Variants in COL11A1 observed in about 807,000 individuals in gnomAD.
COL11A1 encodes the protein collagen type XI alpha 1 chain, also known as collagen alpha-1(XI) chain.
Under a neutral mutation model 265.2 loss-of-function variants are expected in COL11A1, and 74 were observed. The observed-to-expected ratio is 0.28, with a 90% CI of 0.23 to 0.34. The LOEUF is 0.34. COL11A1 is among the 10% of genes least tolerant of loss of function. The pLI, the probability that COL11A1 is intolerant of heterozygous loss-of-function variation, is 1.00. For missense variants in COL11A1, 2,165 were observed against 2,263.6 expected (o/e 0.96, Z 0.88); for synonymous variants, 816 against 727.6 (o/e 1.12, Z -1.96).
chr1:102,907,454 T>C (rs1654121345), intron 54 of COL11A1, among the ~76,000 whole-genome samples: 1 of 152,100 alleles, frequency 6.6e-6, no homozygotes, highest in Non-Finnish European at 1.5e-5. Context: ...TACAGTATCA[T>C]TAACTTAGAA....
At chr1:102,996,639 A>C (rs1664658639) in intron 26 of COL11A1, among the ~76,000 whole-genome samples, 1 of 151,922 alleles carries the variant, frequency 6.6e-6, no homozygotes, top group South Asian at 2.1e-4. Context: ...CTGCTACTGT[A>C]ATCTAAAGTA....
At chr1:103,015,647 A>G in intron 12 of COL11A1, 21 bp downstream of exon 12, 4 of 1,558,248 alleles carry the variant, frequency 2.6e-6, no homozygotes, top group Non-Finnish European at 3.5e-6. Context: ...AGTCATCTCT[A>G]TAACATAAAA....
In COL11A1 at chr1:102,962,604, C is replaced by G. The variant is rs1177236827; in HGVS notation, c.3024+49G>C. 2.7e-6 allele frequency: 4 copies of G among 1,504,212 alleles called. No homozygotes were observed. The Admixed American group carries it at 5.0e-5, about 19-fold the overall frequency. 93.2% of individuals were successfully genotyped at this position (1,504,212 alleles called of 1,614,324 possible). A position where few individuals can be genotyped will look rare whatever the true frequency, so the allele number is the denominator to read the frequency against. Reference sequence around the variant, plus strand: ...TAGACAAGGGGTGAGTATAGTTAAACATAAATTAAAGTTTTGGGCCAAAAA... The same window carrying G: ...TAGACAAGGGGTGAGTATAGTTAAAGATAAATTAAAGTTTTGGGCCAAAAA... On this transcript the variant is annotated intron_variant, in intron 39 of 66. Transcript: ENST00000370096.
intron 46 of COL11A1, among the ~76,000 whole-genome samples, chr1:102,924,306 G>T (rs1656332295): frequency 6.6e-6 from 1 of 152,168 alleles, no homozygotes; most frequent in Admixed American, 6.5e-5. Context: ...CTGTGTTACA[G>T]TATAAAGGAA....
rs12746990 is a variant in COL11A1 at position 102,932,491 on chromosome 1, G to T, written c.3600+1958C>A. On this transcript the variant is annotated intron_variant, in intron 46 of 66. Transcript: ENST00000370096. ...TAGTCTGATGGGCTTCCCTTTGAGG[G>T]TAACCCGACCTTTCTCTCTGGCTGC... 2.0e-5 allele frequency among the ~76,000 whole-genome samples: 3 copies of T among 152,216 alleles called. No homozygotes were observed. In the South Asian group the frequency reaches 6.2e-4, roughly 32 times the overall value.
At chr1:102,993,175 TA>T (rs1664304201) in intron 28 of COL11A1, among the ~76,000 whole-genome samples, 1 of 152,178 alleles carries the variant, frequency 6.6e-6, no homozygotes, top group African/African-American at 2.4e-5. Flanking sequence ...TTTGCATTTT[TA>T]CTTACATTTC....
At chr1:102,962,072 G>T in intron 40 of COL11A1, 104 bp downstream of exon 40, 3 of 1,068,462 alleles carry the variant, frequency 2.8e-6, no homozygotes, top group Non-Finnish European at 4.3e-6. Context: ...AAATATATAT[G>T]TTTATATATC....
At chr1:102,991,843 T>A (rs1398235051) in intron 28 of COL11A1, among the ~76,000 whole-genome samples, 2 of 151,992 alleles carry the variant, frequency 1.3e-5, no homozygotes, top group African/African-American at 4.8e-5. Context: ...AATTTTTTTT[T>A]TTTTTTTCAA....
intron 54 of COL11A1, among the ~76,000 whole-genome samples, chr1:102,907,889 T>C (rs1038965063): frequency 6.6e-6 from 1 of 152,040 alleles, no homozygotes. Flanking sequence ...TTTTGGTGGA[T>C]ATGTGCAAAA....
At chr1:103,077,889 CA>C (rs1212491902) in intron 3 of COL11A1, among the ~76,000 whole-genome samples, 1 of 152,102 alleles carries the variant, frequency 6.6e-6, no homozygotes, top group Non-Finnish European at 1.5e-5. Context: ...CTCTGAGCCT[CA>C]GTTCCCTTAC....
chr1:102,919,223 G>A (rs1248815105), intron 49 of COL11A1, among the ~76,000 whole-genome samples: 2 of 151,942 alleles, frequency 1.3e-5, no homozygotes, highest in Non-Finnish European at 2.9e-5. Flanking sequence ...AAAAAAGGCA[G>A]TCAATCAAAG....
intron 4 of COL11A1, among the ~76,000 whole-genome samples, chr1:103,053,828 T>C (rs1670020942): frequency 6.6e-6 from 1 of 152,230 alleles, no homozygotes; most frequent in Admixed American, 6.5e-5. Context: ...TAAAAACATC[T>C]TACATTTTAA....
chr1:103,039,141 A>C (rs1050716629), intron 4 of COL11A1, among the ~76,000 whole-genome samples: 2 of 152,190 alleles, frequency 1.3e-5, no homozygotes, highest in African/African-American at 4.8e-5. Context: ...AGTGACTTTT[A>C]TTTATTTTTG....
intron 4 of COL11A1, among the ~76,000 whole-genome samples, chr1:103,042,472 C>A (rs1179910089): frequency 6.6e-6 from 1 of 152,060 alleles, no homozygotes; most frequent in Non-Finnish European, 1.5e-5. Flanking sequence ...ACTAACATTT[C>A]TGTCTCTTAC....
At chr1:103,070,173 T>C (rs970733415) in intron 4 of COL11A1, among the ~76,000 whole-genome samples, 1 of 149,254 alleles carries the variant, frequency 6.7e-6, no homozygotes, top group Non-Finnish European at 1.5e-5. Flanking sequence ...GATGAAAAAA[T>C]TTTGGTGTAG....
At chr1:102,984,259 A>T (rs1663323250) in intron 30 of COL11A1, 68 bp from the exon 31 acceptor site, 11 of 1,066,998 alleles carry the variant, frequency 1.0e-5, no homozygotes, top group Admixed American at 4.3e-5. Context: ...AATGATTTCA[A>T]TTTTTTTTAA....
At chr1:102,928,122 T>C (rs758253549) in intron 46 of COL11A1, among the ~76,000 whole-genome samples, 142 of 151,858 alleles carry the variant, frequency 9.4e-4, no homozygotes, top group Non-Finnish European at 1.7e-3. Flanking sequence ...TATTATACTT[T>C]AAGTTTTAGG....
intron 44 of COL11A1, among the ~76,000 whole-genome samples, chr1:102,935,650 A>G (rs564414953): frequency 2.6e-5 from 4 of 152,362 alleles, no homozygotes; most frequent in Admixed American, 2.6e-4. Flanking sequence ...ATAGTTTTCA[A>G]AAGACATTAT....
At chr1:102,927,814 T>C (rs1199121117) in intron 46 of COL11A1, among the ~76,000 whole-genome samples, 1 of 152,222 alleles carries the variant, frequency 6.6e-6, no homozygotes, top group Non-Finnish European at 1.5e-5. Context: ...TTTAAAATGA[T>C]AATAATCGAT....
Sources: gnomAD v4.1 joint callset for allele counts (sites outside exome capture counted in the v4.1 genomes callset) on GRCh38, gnomAD v4.1.1 for gene constraint, MANE v1.5 for transcripts, NCBI Gene and HGNC (gene_info 2026-07-23, HGNC 2026-07-21) for gene names.